Variants in UPK1B observed in about 807,000 individuals in gnomAD.
The protein encoded by UPK1B is uroplakin-1b.
UPK1B carries 28 observed loss-of-function variants against 34.2 expected under a neutral mutation model. That is an observed-to-expected ratio of 0.82 (90% CI 0.61 to 1.12). The LOEUF (loss-of-function observed/expected upper bound fraction) is 1.12. Ranked by LOEUF, UPK1B falls within the 50% of genes most tolerant of loss-of-function variation. The pLI is 0.00. For synonymous variants in UPK1B, 81 were observed against 110.4 expected, an observed-to-expected ratio of 0.73 and a Z score of 1.67; for missense variants, 325 against 320.9, an observed-to-expected ratio of 1.01 and a Z score of -0.10.
intron 1 of UPK1B, among the ~76,000 whole-genome samples, chr3:119,179,376 T>TATATATATATATATATAG (rs1559900013): frequency 1.5e-5 from 1 of 67,234 alleles, no homozygotes; most frequent in Non-Finnish European, 3.6e-5. Flanking sequence ...TATATATATA[T>TATATATATATATATATAG]ATATATATAT....
rs1250318805 is a variant in UPK1B, at chr3:119,203,899, T to C, written c.733-18T>C. 1 of 1,613,256 alleles carries C rather than the reference T, an allele frequency of 6.2e-7. No individual in the cohort carries two copies. The highest frequency in any genetic ancestry group is 2.2e-5 in the East Asian group (1 of 44,904). ...AAACAATCCCTTGTTTATTTTTCCT[T>C]GTTTTTTTCTATTCCAGTTTTGGGT... On this transcript the variant is annotated intron_variant, in intron 7 of 7. Coordinates refer to ENST00000264234, the MANE Select transcript of UPK1B (RefSeq NM_006952.4).
At chr3:119,200,764 T>G (rs958769053) in intron 7 of UPK1B, among the ~76,000 whole-genome samples, 1 of 152,254 alleles carries the variant, frequency 6.6e-6, no homozygotes, top group South Asian at 2.1e-4. Flanking sequence ...AGACTCACTT[T>G]GTAAATTTTC....
chr3:119,183,712 A>G (rs1032250896), intron 1 of UPK1B, among the ~76,000 whole-genome samples: 3 of 152,168 alleles, frequency 2.0e-5, no homozygotes, highest in African/African-American at 7.2e-5. Flanking sequence ...TAAGCCACGA[A>G]GTTCGTGGTA....
intron 1 of UPK1B, among the ~76,000 whole-genome samples, chr3:119,184,446 G>A (rs1280068379): frequency 6.6e-6 from 1 of 151,832 alleles, no homozygotes; most frequent in Non-Finnish European, 1.5e-5. Flanking sequence ...GAGGCCAGGC[G>A]CAGTGGCTCA....
intron 4 of UPK1B, 86 bp from the exon 5 acceptor site, chr3:119,190,896 C>T: frequency 6.4e-7 from 1 of 1,559,664 alleles, no homozygotes; most frequent in Non-Finnish European, 8.7e-7. Context: ...TTCAGTGTCC[C>T]CAGGAAAAGA....
At chr3:119,186,591 T>G (rs1032921394) in intron 1 of UPK1B, 123 bp from the exon 2 acceptor site, 1 of 667,698 alleles carries the variant, frequency 1.5e-6, no homozygotes, top group Non-Finnish European at 2.6e-6. Context: ...TCAAATGTCC[T>G]TCATCGCTAA....
At chr3:119,179,349 G>GGA (rs2077974536) in intron 1 of UPK1B, among the ~76,000 whole-genome samples, 16 of 34,566 alleles carry the variant, frequency 4.6e-4, no homozygotes, top group South Asian at 1.7e-3. Flanking sequence ...AGAGAGAGAG[G>GGA]GAGATATATA....
intron 7 of UPK1B, among the ~76,000 whole-genome samples, chr3:119,203,543 A>C (rs1338026419): frequency 1.3e-5 from 2 of 152,076 alleles, no homozygotes; most frequent in Non-Finnish European, 2.9e-5. Flanking sequence ...GCAAACTAAC[A>C]CAGGAACAGG....
chr3:119,179,393 ATATATT>A (rs199981162), intron 1 of UPK1B, among the ~76,000 whole-genome samples: 2,488 of 94,866 alleles, frequency 0.026, 252 homozygotes, highest in East Asian at 0.22. Context: ...ATATATATAT[ATATATT>A]AATTCTAAGG....
intron 1 of UPK1B, among the ~76,000 whole-genome samples, chr3:119,184,047 A>G (rs2078002443): frequency 6.6e-6 from 1 of 152,102 alleles, no homozygotes; most frequent in South Asian, 2.1e-4. Flanking sequence ...CCTCCCTGGC[A>G]TTTCTGTCAT....
intron 1 of UPK1B, among the ~76,000 whole-genome samples, chr3:119,179,360 T>TATATATA (rs1241879031): frequency 2.0e-4 from 6 of 29,794 alleles, no homozygotes; most frequent in African/African-American, 9.2e-4. Flanking sequence ...GAGATATATA[T>TATATATA]ATATATATAT....
At chr3:119,186,668 T>G (rs2078020633) in intron 1 of UPK1B, 46 bp from the exon 2 acceptor site, 3 of 1,503,050 alleles carry the variant, frequency 2.0e-6, no homozygotes, top group Non-Finnish European at 2.8e-6. Context: ...CTTGGTTTAC[T>G]CATGTTACAG....
At chr3:119,174,086 C>G (rs996240262) in intron 1 of UPK1B, among the ~76,000 whole-genome samples, 11 of 152,148 alleles carry the variant, frequency 7.2e-5, no homozygotes, top group African/African-American at 2.7e-4. Context: ...ATAATCTGTT[C>G]AGGCTAGCAG....
At chr3:119,201,297 T>C (rs186804720) in intron 7 of UPK1B, among the ~76,000 whole-genome samples, 67 of 152,332 alleles carry the variant, frequency 4.4e-4, no homozygotes, top group South Asian at 8.3e-4. Flanking sequence ...CATAGTGCTA[T>C]GAAGAAATAC....
intron 6 of UPK1B, among the ~76,000 whole-genome samples, chr3:119,197,359 G>GA (rs919014956): frequency 6.6e-6 from 1 of 152,050 alleles, no homozygotes; most frequent in African/African-American, 2.4e-5. Context: ...AAATGATGGT[G>GA]AAAAAAATGG....
chr3:119,194,413 C>A lies in UPK1B; in HGVS notation c.648+15C>A. Reference sequence around the variant, plus strand: ...ATCACAATCAGGTGAGTCCTCTCTCCTCCCAAGACTTCCCAGGAGGTTCTG... The same window carrying A: ...ATCACAATCAGGTGAGTCCTCTCTCATCCCAAGACTTCCCAGGAGGTTCTG... On this transcript the variant is annotated intron_variant, in intron 6 of 7. Transcript: ENST00000264234. The A allele has an allele frequency of 1.3e-6, 2 of 1,581,076 alleles. No homozygotes were observed. Among genetic ancestry groups the A allele is most frequent in the Non-Finnish European group, 1.7e-6 (2 of 1,164,188 alleles).
rs114799743 is a variant in UPK1B at position 119,197,451 on chromosome 3, G to C, written c.649-1606G>C. 4.6e-3 allele frequency among the ~76,000 whole-genome samples: 695 copies of C among 152,270 alleles called. 2 individuals carry two copies. The highest frequency in any genetic ancestry group is 0.016 in the African/African-American group (666 of 41,544). ...ATGCCCAGCCAGTACTTGGCACCTG[G>C]CATAAGTGGGCCCTTATATATATAT... On this transcript the variant is annotated intron_variant, in intron 6 of 7. Coordinates refer to ENST00000264234, the MANE Select transcript of UPK1B (RefSeq NM_006952.4).
intron 2 of UPK1B, among the ~76,000 whole-genome samples, chr3:119,187,460 G>A (rs1227397552): frequency 6.6e-6 from 1 of 152,184 alleles, no homozygotes; most frequent in Non-Finnish European, 1.5e-5. Context: ...AGAAATGTGG[G>A]TCATGACATG....
At chr3:119,178,018 G>A (rs9868469) in intron 1 of UPK1B, among the ~76,000 whole-genome samples, 4 of 151,882 alleles carry the variant, frequency 2.6e-5, no homozygotes, top group African/African-American at 9.7e-5. Context: ...GGCAGAAATG[G>A]GAGAAGGGAT....
Sources: allele counts gnomAD v4.1 joint callset (sites outside exome capture counted in the v4.1 genomes callset), GRCh38; gene constraint gnomAD v4.1.1; transcripts MANE v1.5; gene names NCBI Gene and HGNC (gene_info 2026-07-23, HGNC 2026-07-21).